TNFRSF8: variants seen among roughly 807,000 people sequenced by gnomAD.
The protein encoded by TNFRSF8 is TNF receptor superfamily member 8.
Under a neutral mutation model 70.8 loss-of-function variants are expected in TNFRSF8, and 26 were observed. The observed-to-expected ratio is 0.37, with a 90% CI of 0.27 to 0.51. TNFRSF8 has a LOEUF of 0.51. Ranked by LOEUF, TNFRSF8 falls within the 20% of genes least tolerant of loss-of-function variation. The probability of loss-of-function intolerance (pLI) is 0.94; values close to 1 mark genes in which losing one functional copy is unlikely to be tolerated. For synonymous variants in TNFRSF8, 356 were observed against 339.2 expected, an observed-to-expected ratio of 1.05 and a Z score of -0.54; for missense variants, 720 against 807.9, an observed-to-expected ratio of 0.89 and a Z score of 1.32.
intron 3 of TNFRSF8, among the ~76,000 whole-genome samples, chr1:12,099,889 C>T (rs1641390083): frequency 6.6e-6 from 1 of 152,096 alleles, no homozygotes. Context: ...ACGACATAGG[C>T]CGGGCACAGT....
chr1:12,090,694 T>TG (rs1384541170), intron 2 of TNFRSF8, among the ~76,000 whole-genome samples: 38 of 150,756 alleles, frequency 2.5e-4, no homozygotes, highest in Admixed American at 2.4e-3. Context: ...GATTCAACCA[T>TG]GGGGGGGCAG....
At chr1:12,127,068 A>G (rs889089919) in intron 12 of TNFRSF8, among the ~76,000 whole-genome samples, 2 of 152,154 alleles carry the variant, frequency 1.3e-5, no homozygotes, top group African/African-American at 4.8e-5. Flanking sequence ...CTGTCCAGGC[A>G]GGGTCGTCTA....
chr1:12,130,228 C>G (rs1488681573), intron 12 of TNFRSF8, among the ~76,000 whole-genome samples: 1 of 152,132 alleles, frequency 6.6e-6, no homozygotes, highest in African/African-American at 2.4e-5. Flanking sequence ...TAATTTTCTT[C>G]ACTTACATAT....
intron 10 of TNFRSF8, 180 bp from the exon 11 acceptor site, chr1:12,125,771 A>G: frequency 1.5e-6 from 1 of 647,684 alleles, no homozygotes; most frequent in African/African-American, 1.8e-5. Context: ...ATAGTTGATC[A>G]GCTTCCTGGA....
chr1:12,097,762 G>A (rs1490925629), intron 3 of TNFRSF8, among the ~76,000 whole-genome samples: 1 of 151,780 alleles, frequency 6.6e-6, no homozygotes, highest in Non-Finnish European at 1.5e-5. Context: ...GGGTAGGGTG[G>A]GGGAAATTTG....
chr1:12,105,233 T>C (rs908998686), intron 4 of TNFRSF8, among the ~76,000 whole-genome samples: 3 of 152,064 alleles, frequency 2.0e-5, no homozygotes, highest in African/African-American at 7.2e-5. Context: ...CACTGTCCAC[T>C]GAGGAGAAAA....
intron 12 of TNFRSF8, among the ~76,000 whole-genome samples, chr1:12,134,631 G>T (rs919805560): frequency 6.6e-6 from 1 of 152,242 alleles, no homozygotes; most frequent in Admixed American, 6.5e-5. Context: ...CCCGAGAGCA[G>T]TTGTCCTCCT....
At chr1:12,093,371 C>G (rs571030792) in intron 2 of TNFRSF8, among the ~76,000 whole-genome samples, 1 of 152,276 alleles carries the variant, frequency 6.6e-6, no homozygotes, top group South Asian at 2.1e-4. Flanking sequence ...GAGCAATGTA[C>G]TAGAATGCCA....
intron 1 of TNFRSF8, among the ~76,000 whole-genome samples, chr1:12,079,544 C>CGGGCAG (rs1446122619): frequency 1.3e-5 from 2 of 152,236 alleles, no homozygotes; most frequent in African/African-American, 4.8e-5. Flanking sequence ...CAGACTTCTC[C>CGGGCAG]GGGCAGCGGC....
Position 12,138,532 on chromosome 1 carries a change from G to C in TNFRSF8, c.1543+96G>C, listed in dbSNP as rs548667504. 2.3e-5 allele frequency: 28 copies of C among 1,234,110 alleles called. No homozygotes were observed. The South Asian group carries it at 3.7e-4, about 16-fold the overall frequency. 76.4% of individuals were successfully genotyped at this position (1,234,110 alleles called of 1,614,324 possible). ...CCCTGGAAGGGACCTGGAGACCCTG[G>C]AGTTGAAAGGCCCAGGAAAGGAGAG... On this transcript the variant is annotated intron_variant, in intron 14 of 14. Coordinates refer to ENST00000263932, the MANE Select transcript of TNFRSF8 (RefSeq NM_001243.5). This position sits in a 1 kb window ranked among gnomAD's most constrained non-coding sequence, Gnocchi z 5.7.
At chr1:12,066,239 T>C (rs1320803317) in intron 1 of TNFRSF8, among the ~76,000 whole-genome samples, 1 of 152,024 alleles carries the variant, frequency 6.6e-6, no homozygotes, top group Non-Finnish European at 1.5e-5. Context: ...AACACAGTAC[T>C]CCTTTTTGCC....
intron 2 of TNFRSF8, among the ~76,000 whole-genome samples, chr1:12,087,543 G>A (rs560900066): frequency 8.5e-5 from 13 of 152,208 alleles, no homozygotes; most frequent in African/African-American, 2.9e-4. Context: ...TGCAATTCTG[G>A]AACCCCTTCC....
At chr1:12,067,903 C>CA (rs561850635) in intron 1 of TNFRSF8, among the ~76,000 whole-genome samples, 1 of 69,100 alleles carries the variant, frequency 1.4e-5, no homozygotes, top group Non-Finnish European at 3.2e-5. Context: ...GGCGGGGGGG[C>CA]GGGGGGGGGA....
At chr1:12,072,899 C>G (rs925162797) in intron 1 of TNFRSF8, among the ~76,000 whole-genome samples, 1 of 152,184 alleles carries the variant, frequency 6.6e-6, no homozygotes, top group South Asian at 2.1e-4. Context: ...CAGGACGCAG[C>G]GGCCAGGCCA....
At chr1:12,111,196 T>C (rs1423539077) in intron 6 of TNFRSF8, among the ~76,000 whole-genome samples, 1 of 152,062 alleles carries the variant, frequency 6.6e-6, no homozygotes, top group Non-Finnish European at 1.5e-5. Context: ...GTGGTTTGTT[T>C]TTTTGAGGTG....
At position 12,115,633 on chromosome 1, in the gene TNFRSF8, C is replaced by T. The variant is rs761712429; in HGVS notation, c.850C>T (p.Arg284Ter). 1.2e-6 allele frequency: 2 copies of T among 1,614,192 alleles called. No individual in the cohort carries two copies. The highest frequency in any genetic ancestry group is 1.7e-6 in the Non-Finnish European group (2 of 1,180,032). Residue 284 changes from arginine (R) to a stop codon, truncating the protein, a stop_gained, in exon 8 of 15, where the codon CGA (arginine) becomes TGA (stop). Transcript: ENST00000263932. LOFTEE classifies it high-confidence loss of function. ...GAACTCCTCCCGCACCTGCGAATGT[C>T]GACCTGGCATGATCTGTGCCACATC... ...AWNSSRTCEC[R>*]PGMICATSAT...
At chr1:12,097,291 C>A in intron 3 of TNFRSF8, 74 bp downstream of exon 3, 1 of 1,115,972 alleles carries the variant, frequency 9.0e-7, no homozygotes, top group Non-Finnish European at 1.4e-6. Flanking sequence ...GGTGAAGAAT[C>A]TGGAAGGTGG....
chr1:12,101,693 TTG>T (rs1275267103), intron 3 of TNFRSF8, among the ~76,000 whole-genome samples: 2 of 152,130 alleles, frequency 1.3e-5, no homozygotes, highest in Admixed American at 6.5e-5. Flanking sequence ...ATTGTTTTTT[TTG>T]TTTGAGATGG....
At chr1:12,115,848 TA>T in intron 8 of TNFRSF8, 119 bp downstream of exon 8, 2 of 1,131,574 alleles carry the variant, frequency 1.8e-6, no homozygotes, top group Non-Finnish European at 2.5e-6. Flanking sequence ...GGCTGTTCAT[TA>T]GGTCAGGTTT....
Sources: allele counts gnomAD v4.1 joint callset (sites outside exome capture counted in the v4.1 genomes callset), GRCh38; gene constraint gnomAD v4.1.1; non-coding constraint Gnocchi (gnomAD v3.1); transcripts MANE v1.5; gene names NCBI Gene and HGNC (gene_info 2026-07-23, HGNC 2026-07-21).